The following CSMD1 variants were observed in gnomAD, a reference collection of about 807,000 sequenced individuals.
The protein encoded by CSMD1 is CUB and Sushi multiple domains 1.
In CSMD1, 213 loss-of-function variants were observed where a neutral mutation model predicts 417.5. The ratio of observed to expected loss-of-function variants is 0.51; its 90% CI spans 0.46 to 0.57. The LOEUF is 0.57. CSMD1 is among the 20% of genes least tolerant of loss of function. The pLI, the probability that CSMD1 is intolerant of heterozygous loss-of-function variation, is 0.00. For missense variants in CSMD1, 6,923 were observed against 4,529.7 expected, an observed-to-expected ratio of 1.53 and a Z score of -15.17; for synonymous variants, 2,862 against 1,736.8, an observed-to-expected ratio of 1.65 and a Z score of -16.11.
intron 7 of CSMD1, among the ~76,000 whole-genome samples, chr8:3,708,150 A>C (rs1455642588): frequency 6.6e-6 from 1 of 152,172 alleles, no homozygotes; most frequent in East Asian, 1.9e-4. Context: ...ACATATACTT[A>C]AGAGAGACAT....
At chr8:3,810,788 G>A (rs946133357) in intron 5 of CSMD1, among the ~76,000 whole-genome samples, 7 of 152,040 alleles carry the variant, frequency 4.6e-5, no homozygotes, top group African/African-American at 1.4e-4. Flanking sequence ...CACTGGGTCC[G>A]GCACATCATC....
intron 3 of CSMD1, among the ~76,000 whole-genome samples, chr8:4,054,526 A>T (rs966033545): frequency 6.6e-6 from 1 of 151,710 alleles, no homozygotes; most frequent in Non-Finnish European, 1.5e-5. Context: ...TACCTCATCC[A>T]ATTATCAAAC....
intron 3 of CSMD1, among the ~76,000 whole-genome samples, chr8:4,253,646 T>C (rs1317807454): frequency 6.6e-6 from 1 of 152,112 alleles, no homozygotes; most frequent in African/African-American, 2.4e-5. Flanking sequence ...CAGATCTACT[T>C]AATAGACACA....
chr8:3,617,666 A>C (rs1471360398), intron 7 of CSMD1, among the ~76,000 whole-genome samples: 1 of 152,174 alleles, frequency 6.6e-6, no homozygotes, highest in Non-Finnish European at 1.5e-5. Context: ...CCTATAATCC[A>C]AGGATGGAGA....
At chr8:3,190,329 A>G (rs566484433) in intron 33 of CSMD1, among the ~76,000 whole-genome samples, 13 of 151,734 alleles carry the variant, frequency 8.6e-5, no homozygotes, top group Admixed American at 2.0e-4. Context: ...AACAATCGCT[A>G]TAGAGAATGA....
chr8:4,222,745 T>C (rs1319270166), intron 3 of CSMD1, among the ~76,000 whole-genome samples: 3 of 152,176 alleles, frequency 2.0e-5, no homozygotes, highest in South Asian at 4.1e-4. Flanking sequence ...ACACTCTTTC[T>C]GCCCAGATGG....
At chr8:3,580,987 C>A (rs1257328752) in intron 9 of CSMD1, among the ~76,000 whole-genome samples, 1 of 152,176 alleles carries the variant, frequency 6.6e-6, no homozygotes, top group Non-Finnish European at 1.5e-5. Flanking sequence ...CCTGACTCTG[C>A]CTGGCTCCAA....
intron 3 of CSMD1, among the ~76,000 whole-genome samples, chr8:4,058,638 A>G (rs1422873492): frequency 3.3e-5 from 5 of 149,990 alleles, no homozygotes; most frequent in Non-Finnish European, 5.9e-5. Context: ...CAGGGGTTGC[A>G]ATCCTAGTCT....
chr8:3,952,266 A>C (rs2740860), intron 5 of CSMD1, among the ~76,000 whole-genome samples: 21,525 of 152,136 alleles, frequency 0.14, 1,640 homozygotes, highest in Middle Eastern at 0.17. Flanking sequence ...TCTCCTGAGC[A>C]CACAGTAAAT....
chr8:3,157,870 G>T, intron 39 of CSMD1, 27 bp downstream of exon 39: 1 of 1,532,814 alleles, frequency 6.5e-7, no homozygotes. Context: ...GTGCGCAGCA[G>T]CAGAGTTACA....
At chr8:3,892,520 G>C (rs185118169) in intron 5 of CSMD1, among the ~76,000 whole-genome samples, 4 of 123,606 alleles carry the variant, frequency 3.2e-5, no homozygotes, top group Admixed American at 9.3e-5. Flanking sequence ...TCCTATGTTA[G>C]AGGAATTTTG....
At chr8:4,401,105 C>A (rs1211937185) in intron 3 of CSMD1, among the ~76,000 whole-genome samples, 1 of 151,998 alleles carries the variant, frequency 6.6e-6, no homozygotes, top group African/African-American at 2.4e-5. Flanking sequence ...TTGAAGATAA[C>A]CTTCTTCAGC....
chr8:3,976,849 C>T (rs1205300002), intron 5 of CSMD1, among the ~76,000 whole-genome samples: 1 of 152,194 alleles, frequency 6.6e-6, no homozygotes, highest in African/African-American at 2.4e-5. Flanking sequence ...CTGACCTCAA[C>T]CACTGCACTG....
At chr8:2,989,065 G>C (rs981860072) in intron 54 of CSMD1, among the ~76,000 whole-genome samples, 1 of 152,186 alleles carries the variant, frequency 6.6e-6, no homozygotes, top group Non-Finnish European at 1.5e-5. Flanking sequence ...AGAATGCAAA[G>C]ACAACAGCAC....
chr8:4,197,063 C>T (rs1291091460), intron 3 of CSMD1, among the ~76,000 whole-genome samples: 1 of 152,068 alleles, frequency 6.6e-6, no homozygotes, highest in Non-Finnish European at 1.5e-5. Context: ...TCACTGAGAG[C>T]TTGTGTTCTA....
chr8:4,362,255 G>C (rs1220061285), intron 3 of CSMD1, among the ~76,000 whole-genome samples: 1 of 152,044 alleles, frequency 6.6e-6, no homozygotes, highest in Non-Finnish European at 1.5e-5. Context: ...CCATGAGAGG[G>C]GATTTCAACC....
At chr8:3,691,792 TA>T (rs1294525950) in intron 7 of CSMD1, among the ~76,000 whole-genome samples, 5 of 151,896 alleles carry the variant, frequency 3.3e-5, no homozygotes, top group African/African-American at 7.3e-5. Context: ...CTCTTTGGTT[TA>T]AAAAAAAGAG....
intron 1 of CSMD1, among the ~76,000 whole-genome samples, chr8:4,693,278 A>T (rs1806893659): frequency 6.6e-6 from 1 of 152,214 alleles, no homozygotes; most frequent in South Asian, 2.1e-4. Context: ...GTTCATGGAG[A>T]GGTAGATAGG....
At chr8:3,571,415 C>G (rs1765603126) in intron 10 of CSMD1, among the ~76,000 whole-genome samples, 1 of 152,166 alleles carries the variant, frequency 6.6e-6, no homozygotes. Context: ...ATATATTGTT[C>G]TGAACTGGAA....
Sources: allele counts gnomAD v4.1 joint callset (sites outside exome capture counted in the v4.1 genomes callset), GRCh38; gene constraint gnomAD v4.1.1; transcripts MANE v1.5; gene names NCBI Gene and HGNC (gene_info 2026-07-23, HGNC 2026-07-21).